The following GABRA2 variants were observed in gnomAD, a reference collection of about 807,000 sequenced individuals.
GABRA2 encodes the protein gamma-aminobutyric acid type A receptor subunit alpha2, also known as gamma-aminobutyric acid receptor subunit alpha-2.
A neutral mutation model predicts 48.7 loss-of-function variants in GABRA2; 16 were observed. The observed-to-expected ratio is 0.33, with a 90% CI of 0.22 to 0.50. The LOEUF is 0.50. Among genes scored for constraint, GABRA2 ranks in the 20% least tolerant of loss-of-function variants. GABRA2 has a pLI of 0.98. For synonymous variants in GABRA2, 185 were observed against 184.5 expected (o/e 1.00, Z -0.02); for missense variants, 275 against 535.6 (o/e 0.51, Z 4.80).
At chr4:46,256,435 T>TTAA in intron 9 of GABRA2, 1 of 465,268 alleles carries the variant, frequency 2.1e-6, no homozygotes, top group African/African-American at 2.0e-5. Context: ...TTGACATCAC[T>TTAA]TTCTACAGTA....
At chr4:46,264,999 A>ATATATATATATATATATG (rs1337931857) in intron 8 of GABRA2, among the ~76,000 whole-genome samples, 23 of 141,548 alleles carry the variant, frequency 1.6e-4, no homozygotes, top group African/African-American at 2.2e-4. Flanking sequence ...ATATATATAT[A>ATATATATATATATATATG]TATGTATAAA....
chr4:46,330,900 A>G (rs931649299), intron 4 of GABRA2, among the ~76,000 whole-genome samples: 17 of 152,188 alleles, frequency 1.1e-4, no homozygotes, highest in African/African-American at 4.1e-4. Flanking sequence ...CTGTGTCTCT[A>G]ACATTTGGGA....
intron 7 of GABRA2, 27 bp from the exon 8 acceptor site, chr4:46,303,639 G>A (rs1180296249): frequency 6.3e-7 from 1 of 1,598,612 alleles, no homozygotes; most frequent in East Asian, 2.2e-5. Context: ...AGAAGCTCAA[G>A]GAGTAATAGT....
intron 8 of GABRA2, among the ~76,000 whole-genome samples, chr4:46,282,466 T>C (rs1427941836): frequency 6.6e-6 from 1 of 152,208 alleles, no homozygotes; most frequent in Non-Finnish European, 1.5e-5. Context: ...CAACTTTACA[T>C]GGATTTTATT....
At chr4:46,359,745 G>C (rs1255903808) in intron 3 of GABRA2, among the ~76,000 whole-genome samples, 1 of 152,006 alleles carries the variant, frequency 6.6e-6, no homozygotes, top group Non-Finnish European at 1.5e-5. Context: ...GTGAAACCCT[G>C]TCTCTACTAA....
chr4:46,377,563 G>A (rs570619797), intron 3 of GABRA2, among the ~76,000 whole-genome samples: 40 of 151,940 alleles, frequency 2.6e-4, no homozygotes, highest in Admixed American at 1.6e-3. Context: ...GGGAAGTGAG[G>A]GGCGTCTCTG....
chr4:46,298,610 A>C (rs1725179556), intron 8 of GABRA2, among the ~76,000 whole-genome samples: 1 of 151,982 alleles, frequency 6.6e-6, no homozygotes, highest in African/African-American at 2.4e-5. Context: ...ATTTTATAGC[A>C]CTTAGAATGT....
chr4:46,310,400 C>A, intron 5 of GABRA2, 145 bp from the exon 6 acceptor site: 1 of 522,902 alleles, frequency 1.9e-6, no homozygotes, highest in South Asian at 3.5e-5. Context: ...TTTGTTCATT[C>A]ATGTTTAGGT....
intron 9 of GABRA2, among the ~76,000 whole-genome samples, chr4:46,252,033 A>G (rs1208397918): frequency 6.6e-6 from 1 of 151,582 alleles, no homozygotes; most frequent in African/African-American, 2.4e-5. Flanking sequence ...ACAGATATAG[A>G]GGACAAATTG....
chr4:46,292,864 C>T (rs1251371360), intron 8 of GABRA2, among the ~76,000 whole-genome samples: 1 of 152,208 alleles, frequency 6.6e-6, no homozygotes, highest in Non-Finnish European at 1.5e-5. Context: ...GCACCTCCAT[C>T]TTTGAAGAGC....
At chr4:46,268,835 T>C (rs889189353) in intron 8 of GABRA2, among the ~76,000 whole-genome samples, 2 of 152,000 alleles carry the variant, frequency 1.3e-5, no homozygotes, top group African/African-American at 4.8e-5. Context: ...GGTATATATG[T>C]ACAATGGAAA....
At position 46,287,529 on chromosome 4, in the gene GABRA2, A is replaced by T. The variant is rs370259886; in HGVS notation, c.856+15931T>A. On this transcript the variant is annotated intron_variant, in intron 8 of 9. Transcript: ENST00000381620. ...TCATTCTCAGTAAACTATCGCAAGAACAAAAAACCAAACACCGCATATTCT... is the reference window on the plus strand; with the variant it reads ...TCATTCTCAGTAAACTATCGCAAGATCAAAAAACCAAACACCGCATATTCT... 2.7e-5 allele frequency among the ~76,000 whole-genome samples: 4 copies of T among 149,758 alleles called. No individual in the cohort carries two copies. In the East Asian group the frequency reaches 7.9e-4, roughly 30 times the overall value.
intron 8 of GABRA2, among the ~76,000 whole-genome samples, chr4:46,264,808 A>G (rs1056113871): frequency 6.6e-6 from 1 of 151,674 alleles, no homozygotes; most frequent in Non-Finnish European, 1.5e-5. Context: ...AAGCCATTTG[A>G]CCTTGATATT....
chr4:46,327,159 T>TC (rs1730527538), intron 4 of GABRA2, among the ~76,000 whole-genome samples: 2 of 151,944 alleles, frequency 1.3e-5, no homozygotes, highest in Admixed American at 1.3e-4. Context: ...CTTACCTTCC[T>TC]CCGCCTCTTC....
At chr4:46,383,370 C>T (rs753010345) in intron 3 of GABRA2, among the ~76,000 whole-genome samples, 10 of 152,176 alleles carry the variant, frequency 6.6e-5, no homozygotes, top group Admixed American at 6.5e-5. Context: ...GAGCGATACT[C>T]AACATACCAC....
At chr4:46,296,132 G>A (rs866641742) in intron 8 of GABRA2, among the ~76,000 whole-genome samples, 29 of 152,252 alleles carry the variant, frequency 1.9e-4, no homozygotes, top group South Asian at 2.1e-4. Flanking sequence ...CCAGAAGGCC[G>A]TGTATGCTCT....
chr4:46,301,820 C>A (rs1410572116), intron 8 of GABRA2, among the ~76,000 whole-genome samples: 1 of 152,110 alleles, frequency 6.6e-6, no homozygotes, highest in African/African-American at 2.4e-5. Context: ...CTATATTTTA[C>A]CATATTTGCA....
chr4:46,295,191 A>T (rs1837496), intron 8 of GABRA2, among the ~76,000 whole-genome samples: 59,950 of 152,074 alleles, frequency 0.39, 12,268 homozygotes, highest in East Asian at 0.52. Context: ...AGGACGGCAG[A>T]GAAGGGAGAT....
chr4:46,314,977 G>A (rs570476644), intron 4 of GABRA2, among the ~76,000 whole-genome samples: 4 of 152,088 alleles, frequency 2.6e-5, no homozygotes, highest in Middle Eastern at 3.4e-3. Context: ...TTGGTAAAAC[G>A]ATTCATTTTC....
Sources: gnomAD v4.1 joint callset for allele counts (sites outside exome capture counted in the v4.1 genomes callset) on GRCh38, gnomAD v4.1.1 for gene constraint, MANE v1.5 for transcripts, NCBI Gene and HGNC (gene_info 2026-07-23, HGNC 2026-07-21) for gene names.